NGEF: variants seen among roughly 807,000 people sequenced by gnomAD.
NGEF encodes the protein ephexin-1.
NGEF carries 31 observed loss-of-function variants against 80.9 expected under a neutral mutation model. The observed-to-expected ratio is 0.38, with a 90% CI of 0.29 to 0.52. NGEF has a LOEUF of 0.52. Among genes scored for constraint, NGEF ranks in the 20% least tolerant of loss-of-function variants. The probability of loss-of-function intolerance (pLI) is 0.84; values close to 1 mark genes in which losing one functional copy is unlikely to be tolerated. For missense variants in NGEF, 709 were observed against 926.2 expected (o/e 0.77, Z 3.04); for synonymous variants, 371 against 370.2 (o/e 1.00, Z -0.03).
chr2:232,883,903 C>T lies in NGEF; in HGVS notation c.1601+78G>A. ...AAGCTCTGTCCCGACACCCCCAACC[C>T]CCAGGCCACAATCAAACCCAATGCC... is the stretch of plus-strand genomic sequence containing the variant. On this transcript the variant is annotated intron_variant, in intron 11 of 14. Coordinates refer to ENST00000264051, the MANE Select transcript of NGEF (RefSeq NM_019850.3). 2.1e-6 allele frequency: 3 copies of T among 1,438,324 alleles called. No individual in the cohort carries two copies. The South Asian group carries it at 4.2e-5, about 20-fold the overall frequency. 89.1% of individuals were successfully genotyped at this position (1,438,324 alleles called of 1,614,324 possible).
At chr2:232,934,134 TG>T in intron 3 of NGEF, among the ~76,000 whole-genome samples, 1 of 149,866 alleles carries the variant, frequency 6.7e-6, no homozygotes, top group South Asian at 2.1e-4. Flanking sequence ...CACAGCTACT[TG>T]GGGGGTTGAG....
At chr2:232,945,676 TC>T (rs938024112) in intron 3 of NGEF, among the ~76,000 whole-genome samples, 3 of 152,152 alleles carry the variant, frequency 2.0e-5, no homozygotes, top group African/African-American at 7.2e-5. Flanking sequence ...CTTTGGCACT[TC>T]TGGTCTCCAG....
chr2:232,920,166 A>T, intron 5 of NGEF, 118 bp downstream of exon 5: 2 of 943,724 alleles, frequency 2.1e-6, no homozygotes, highest in Non-Finnish European at 3.2e-6. Flanking sequence ...CAACCCTGCC[A>T]GCGATTCCTC....
chr2:232,995,578 A>G (rs796323841), intron 1 of NGEF, among the ~76,000 whole-genome samples: 2 of 65,180 alleles, frequency 3.1e-5, no homozygotes, highest in Non-Finnish European at 5.0e-5. Context: ...CTGTATATAT[A>G]TATACAGTAT....
chr2:232,914,766 C>A (rs912538067), intron 5 of NGEF, among the ~76,000 whole-genome samples: 1 of 152,004 alleles, frequency 6.6e-6, no homozygotes, highest in African/African-American at 2.4e-5. Flanking sequence ...CGCCTGTAAT[C>A]CCAGCACTTT....
Position 232,920,271 on chromosome 2 carries a change from C to G in NGEF, c.828+13G>C. 6.2e-7 allele frequency: 1 copy of G among 1,605,714 alleles called. No homozygotes were observed. Among genetic ancestry groups the G allele is most frequent in the African/African-American group, 1.3e-5 (1 of 74,926 alleles). On this transcript the variant is annotated intron_variant, in intron 5 of 14. Coordinates refer to ENST00000264051, the MANE Select transcript of NGEF (RefSeq NM_019850.3). ...GTGCTGTGGGGGAGCCCCCGCCCCT[C>G]GGCGCCTGTTACCTCCTGCAGCTTA...
In NGEF at chr2:232,973,862, G is replaced by A. The variant is rs4973589; in HGVS notation, c.268+761C>T. 2.7e-3 allele frequency among the ~76,000 whole-genome samples: 408 copies of A among 152,328 alleles called. 5 individuals are homozygous for A. The highest frequency in any genetic ancestry group is 0.021 in the East Asian group (107 of 5,186). Reference sequence around the variant, plus strand: ...GTGTGGCAAACAGCTACCCAATACAGGGTTTAATGAATGTTTTTGAATGCA... The same window carrying A: ...GTGTGGCAAACAGCTACCCAATACAAGGTTTAATGAATGTTTTTGAATGCA... On this transcript the variant is annotated intron_variant, in intron 2 of 14. Coordinates refer to ENST00000264051, the MANE Select transcript of NGEF (RefSeq NM_019850.3).
At chr2:232,951,198 T>G (rs1693673425) in intron 3 of NGEF, among the ~76,000 whole-genome samples, 1 of 152,180 alleles carries the variant, frequency 6.6e-6, no homozygotes, top group African/African-American at 2.4e-5. Context: ...CATTCTGCCT[T>G]TAGCCTCTCT....
intron 3 of NGEF, among the ~76,000 whole-genome samples, chr2:232,954,484 G>A (rs1366470260): frequency 6.6e-6 from 1 of 152,162 alleles, no homozygotes; most frequent in Non-Finnish European, 1.5e-5. Flanking sequence ...CCAGCATTTT[G>A]GGAGGCTGAG....
At chr2:232,929,321 C>A (rs770259138) in intron 3 of NGEF, among the ~76,000 whole-genome samples, 18 of 152,204 alleles carry the variant, frequency 1.2e-4, no homozygotes, top group Admixed American at 3.9e-4. Flanking sequence ...CTTAACCAGT[C>A]TTGAATAAGG....
At position 232,993,224 on chromosome 2, in the gene NGEF, ACAC is replaced by A. The variant is rs1559238422; in HGVS notation, c.-74-18263_-74-18261del. Among the ~76,000 whole-genome samples the A allele has an allele frequency of 1.8e-3, 66 of 36,396 alleles. No individual in the cohort carries two copies. The East Asian group carries it at 0.15, about 84-fold the overall frequency. 23.9% of individuals were successfully genotyped at this position (36,396 alleles called of 152,430 possible). On this transcript the variant is annotated intron_variant, in intron 1 of 14. Coordinates refer to ENST00000264051, the MANE Select transcript of NGEF (RefSeq NM_019850.3). ...TATATATATTTGCCCGTATAGATAC[ACAC>A]ATATATATGTATATTTTCAGATCCT... is the stretch of plus-strand genomic sequence containing the variant.
chr2:232,967,706 GGTGT>G (rs10686172), intron 3 of NGEF, among the ~76,000 whole-genome samples: 32,584 of 148,326 alleles, frequency 0.22, 4,293 homozygotes, highest in Non-Finnish European at 0.3. Context: ...ATAAAATAGG[GGTGT>G]GTGTGTGTGT....
At chr2:233,001,361 C>A (rs539768455) in intron 1 of NGEF, among the ~76,000 whole-genome samples, 1 of 152,208 alleles carries the variant, frequency 6.6e-6, no homozygotes, top group Non-Finnish European at 1.5e-5. Context: ...CTAGAAGCAT[C>A]GAAAGCACCT....
At chr2:232,972,218 T>C (rs1414088704) in intron 2 of NGEF, among the ~76,000 whole-genome samples, 7 of 152,282 alleles carry the variant, frequency 4.6e-5, no homozygotes, top group Non-Finnish European at 8.8e-5. Context: ...AAATTTGGCA[T>C]GCGAATTGAG....
At chr2:232,905,462 C>T (rs941589248) in intron 5 of NGEF, among the ~76,000 whole-genome samples, 5 of 152,144 alleles carry the variant, frequency 3.3e-5, no homozygotes, top group East Asian at 1.9e-4. Flanking sequence ...CAACCTCCAC[C>T]TCCCAGCCGC....
chr2:232,948,630 T>C (rs1245791373), intron 3 of NGEF, among the ~76,000 whole-genome samples: 4 of 152,218 alleles, frequency 2.6e-5, no homozygotes, highest in Non-Finnish European at 5.9e-5. Context: ...TTTTGATTTT[T>C]CTGCATGTTT....
intron 3 of NGEF, among the ~76,000 whole-genome samples, chr2:232,964,924 T>G (rs924295064): frequency 2.6e-5 from 4 of 152,200 alleles, no homozygotes; most frequent in African/African-American, 9.6e-5. Flanking sequence ...CTTGGGGCAA[T>G]GGAAATGTTC....
intron 1 of NGEF, among the ~76,000 whole-genome samples, chr2:232,984,096 A>G (rs1289918602): frequency 2.0e-5 from 3 of 151,970 alleles, no homozygotes; most frequent in African/African-American, 7.3e-5. Context: ...ACTGAAATTA[A>G]TTTTTTCAGA....
intron 3 of NGEF, among the ~76,000 whole-genome samples, chr2:232,952,733 C>T (rs1389640625): frequency 3.3e-5 from 5 of 151,662 alleles, no homozygotes; most frequent in South Asian, 2.1e-4. Context: ...TTTGGAAGGC[C>T]GAGGCAGGCG....
Sources: allele counts gnomAD v4.1 joint callset (sites outside exome capture counted in the v4.1 genomes callset), GRCh38; gene constraint gnomAD v4.1.1; transcripts MANE v1.5; gene names NCBI Gene and HGNC (gene_info 2026-07-23, HGNC 2026-07-21).